LPP: variants seen among roughly 807,000 people sequenced by gnomAD.
LPP encodes the protein lipoma-preferred partner.
Under a neutral mutation model 60.4 loss-of-function variants are expected in LPP, and 38 were observed. That is an observed-to-expected ratio of 0.63 (90% CI 0.49 to 0.83). The LOEUF (loss-of-function observed/expected upper bound fraction) is 0.83. LPP is among the 40% of genes least tolerant of loss of function. LPP has a pLI of 0.00. For synonymous variants in LPP, 328 were observed against 290.8 expected (o/e 1.13, Z -1.30); for missense variants, 902 against 783.6 (o/e 1.15, Z -1.80).
chr3:188,570,209 C>T (rs1354820939), intron 6 of LPP, among the ~76,000 whole-genome samples: 1 of 152,000 alleles, frequency 6.6e-6, no homozygotes, highest in African/African-American at 2.4e-5. Flanking sequence ...ATGAGTAAGA[C>T]TGCCTGAGAC....
chr3:188,435,730 GGTTT>G (rs1412830016), intron 4 of LPP, among the ~76,000 whole-genome samples: 1 of 152,122 alleles, frequency 6.6e-6, no homozygotes, highest in Non-Finnish European at 1.5e-5. Context: ...ATCAGACTAA[GGTTT>G]GTTTATTACA....
chr3:188,686,606 C>G (rs2149419317), intron 7 of LPP, among the ~76,000 whole-genome samples: 1 of 152,274 alleles, frequency 6.6e-6, no homozygotes, highest in Non-Finnish European at 1.5e-5. Context: ...TAGGCCTCAC[C>G]CCTAGAGATA....
chr3:188,659,810 G>GCACA (rs139762080), intron 7 of LPP, among the ~76,000 whole-genome samples: 6,124 of 128,532 alleles, frequency 0.048, 414 homozygotes, highest in African/African-American at 0.15. Context: ...TAGATCCTAT[G>GCACA]CACACACACA....
At chr3:188,603,880 A>G (rs1460642895) in intron 6 of LPP, among the ~76,000 whole-genome samples, 2 of 152,172 alleles carry the variant, frequency 1.3e-5, no homozygotes, top group Non-Finnish European at 2.9e-5. Context: ...ATCATTCTCT[A>G]TGGCCTCAAT....
chr3:188,655,784 A>G (rs1853057431), intron 7 of LPP, among the ~76,000 whole-genome samples: 1 of 152,194 alleles, frequency 6.6e-6, no homozygotes, highest in African/African-American at 2.4e-5. Context: ...TTTAAATTAA[A>G]TAATCCTGAT....
chr3:188,495,084 T>TATATATATATATATA (rs61034825), intron 5 of LPP, among the ~76,000 whole-genome samples: 14 of 15,504 alleles, frequency 9.0e-4, no homozygotes, highest in East Asian at 0.012. Context: ...ATATATATAT[T>TATATATATATATATA]TTATTTATAT....
intron 3 of LPP, among the ~76,000 whole-genome samples, chr3:188,402,248 A>G (rs981255672): frequency 6.6e-6 from 1 of 152,108 alleles, no homozygotes; most frequent in Non-Finnish European, 1.5e-5. Context: ...GATAAGTAAA[A>G]CAAGCAGAAA....
Position 188,610,610 on chromosome 3 carries a change from TATTTG to T in LPP, c.1113+771_1113+775del, listed in dbSNP as rs1380592336. 2.0e-5 allele frequency among the ~76,000 whole-genome samples: 3 copies of T among 152,240 alleles called. No homozygotes were observed. Among genetic ancestry groups the T allele is most frequent in the Non-Finnish European group, 2.9e-5 (2 of 68,046 alleles). On this transcript the variant is annotated intron_variant, in intron 7 of 11. Transcript: ENST00000617246. The surrounding 1 kb of genome is among the most constrained non-coding windows in gnomAD (Gnocchi z 4.4). ...CTCCTTATGAGTGACAGTTACTTCT[TATTTG>T]ATTTAATTGTCCATATGTGGACCTT...
chr3:188,469,344 TGGTGGTTG>T (rs1801227875), intron 4 of LPP, among the ~76,000 whole-genome samples: 1 of 488 alleles, frequency 2.0e-3, no homozygotes, highest in Admixed American at 0.022. Context: ...TGCCCGGTTG[TGGTGGTTG>T]TGGTGGTGGC....
chr3:188,406,159 T>C lies in LPP; in HGVS notation c.39T>C (p.Gly13=). The part of the protein sequence containing the change: ...HPSWLPPKST[G]EPLGHVPARM... ...CTTGGCTGCCACCCAAAAGCACTGG[T>C]GAGCCCCTCGGCCATGTGCCTGCAC... is the stretch of plus-strand genomic sequence containing the variant. Residue 13 remains glycine, a synonymous_variant, in exon 4 of 12, where the codon GGT becomes GGC. Coordinates refer to ENST00000617246, the MANE Select transcript of LPP (RefSeq NM_001375462.1). 1 of 1,613,108 alleles carries C rather than the reference T, an allele frequency of 6.2e-7. No homozygotes were observed. The highest frequency in any genetic ancestry group is 8.5e-7 in the Non-Finnish European group (1 of 1,179,076).
chr3:188,324,867 T>G (rs547435114), intron 2 of LPP, among the ~76,000 whole-genome samples: 4 of 152,220 alleles, frequency 2.6e-5, no homozygotes, highest in Admixed American at 6.5e-5. Flanking sequence ...ACTGAGTTTA[T>G]CTGGGTGTAA....
chr3:188,772,463 G>A (rs759277565), intron 9 of LPP, among the ~76,000 whole-genome samples: 9 of 152,096 alleles, frequency 5.9e-5, no homozygotes, highest in African/African-American at 9.7e-5. Context: ...AAGACTGTGC[G>A]GGGTGCGGGG....
At chr3:188,300,757 T>C (rs1350761782) in intron 2 of LPP, among the ~76,000 whole-genome samples, 2 of 152,324 alleles carry the variant, frequency 1.3e-5, no homozygotes, top group East Asian at 1.9e-4. Flanking sequence ...CTTTTTATTT[T>C]CTCTTCATAG....
intron 9 of LPP, among the ~76,000 whole-genome samples, chr3:188,845,019 G>T (rs1015552934): frequency 6.6e-6 from 1 of 152,138 alleles, no homozygotes; most frequent in African/African-American, 2.4e-5. Flanking sequence ...TTACTGAGGC[G>T]CAGAGCTTTA....
chr3:188,299,877 C>T (rs1242231355), intron 2 of LPP, among the ~76,000 whole-genome samples: 1 of 152,208 alleles, frequency 6.6e-6, no homozygotes, highest in East Asian at 1.9e-4. Context: ...GCTCTGCTGT[C>T]TGTCTCTGGA....
chr3:188,854,027 G>A (rs1763258672), intron 9 of LPP, among the ~76,000 whole-genome samples: 1 of 151,960 alleles, frequency 6.6e-6, no homozygotes, highest in South Asian at 2.1e-4. Context: ...TGGAGGTCTT[G>A]GAATCCAGGA....
chr3:188,507,486 A>G (rs1384623254), intron 5 of LPP, among the ~76,000 whole-genome samples: 1 of 149,570 alleles, frequency 6.7e-6, no homozygotes, highest in South Asian at 2.1e-4. Context: ...TTTTTTTTGT[A>G]GTGAAAATAG....
intron 1 of LPP, among the ~76,000 whole-genome samples, chr3:188,223,627 C>T (rs554519752): frequency 1.3e-5 from 2 of 152,248 alleles, no homozygotes; most frequent in Admixed American, 6.5e-5. Context: ...GAGTGAGACT[C>T]CCTCAGGGCC....
chr3:188,697,800 A>C (rs183238949), intron 7 of LPP, among the ~76,000 whole-genome samples: 69 of 152,352 alleles, frequency 4.5e-4, no homozygotes, highest in African/African-American at 1.6e-3. Flanking sequence ...GATAATACTT[A>C]CATAGGCTAA....
Sources: gnomAD v4.1 joint callset for allele counts (sites outside exome capture counted in the v4.1 genomes callset) on GRCh38, gnomAD v4.1.1 for gene constraint, Gnocchi (gnomAD v3.1) non-coding constraint, MANE v1.5 for transcripts, NCBI Gene and HGNC (gene_info 2026-07-23, HGNC 2026-07-21) for gene names.